Variants in MTHFSD observed in about 807,000 individuals in gnomAD.
MTHFSD encodes the protein methenyltetrahydrofolate synthetase domain containing.
MTHFSD carries 37 observed loss-of-function variants against 31.1 expected under a neutral mutation model. That is an observed-to-expected ratio of 1.19 (90% CI 0.91 to 1.56). The LOEUF (loss-of-function observed/expected upper bound fraction) is 1.56. Ranked by LOEUF, MTHFSD falls within the 40% of genes most tolerant of loss-of-function variation. MTHFSD has a pLI of 0.00. For missense variants in MTHFSD, 664 were observed against 510.1 expected (o/e 1.30, Z -2.91); for synonymous variants, 221 against 206.9 (o/e 1.07, Z -0.59).
chr16:86,537,699 T>C lies in MTHFSD; in HGVS notation c.681+3998A>G, dbSNP rs557466343. ...AGGACTGCTGCTCACAGAGGAGCCCTGTTCTCAAATCCTTTTTCTTGAGGT... is the reference window on the plus strand; with the variant it reads ...AGGACTGCTGCTCACAGAGGAGCCCCGTTCTCAAATCCTTTTTCTTGAGGT... On this transcript the variant is annotated intron_variant, in intron 7 of 7. Transcript: ENST00000360900. Among the ~76,000 whole-genome samples the C allele has an allele frequency of 1.6e-3, 242 of 152,342 alleles. 3 individuals carry two copies. The highest frequency in any genetic ancestry group is 5.7e-3 in the African/African-American group (239 of 41,578).
chr16:86,536,804 G>A (rs959985621), intron 7 of MTHFSD, among the ~76,000 whole-genome samples: 4 of 152,172 alleles, frequency 2.6e-5, no homozygotes, highest in East Asian at 1.9e-4. Context: ...CCCCTGCTCC[G>A]CACAGAGTCC....
chr16:86,537,868 T>C (rs1970929365), intron 7 of MTHFSD, among the ~76,000 whole-genome samples: 1 of 152,220 alleles, frequency 6.6e-6, no homozygotes, highest in Non-Finnish European at 1.5e-5. Flanking sequence ...AGAATCCAGT[T>C]TCCCTCATTA....
intron 7 of MTHFSD, among the ~76,000 whole-genome samples, chr16:86,539,506 C>A (rs920647027): frequency 6.6e-6 from 1 of 152,208 alleles, no homozygotes; most frequent in African/African-American, 2.4e-5. Context: ...CTAAGACAAA[C>A]GAGAGGGCTT....
rs1412490753 is a variant in MTHFSD at position 86,531,947 on chromosome 16, G to A, written c.*64C>T. The A allele has an allele frequency of 4.6e-5, 54 of 1,172,870 alleles. No homozygotes were observed. Among genetic ancestry groups the A allele is most frequent in the East Asian group, 1.5e-4 (5 of 33,534 alleles). The allele number at this position is 1,172,870 out of a possible 1,614,324, so 72.7% of individuals were successfully genotyped here. A position where few individuals can be genotyped will look rare whatever the true frequency, so the allele number is the denominator to read the frequency against. On this transcript the variant is annotated 3_prime_UTR_variant, in exon 8 of 8. Coordinates refer to ENST00000360900, the MANE Select transcript of MTHFSD (RefSeq NM_001159377.2). The surrounding 1 kb of genome is among the most constrained non-coding windows in gnomAD (Gnocchi z 5.5). ...CCACGCAGGCCTCTCGAGTGCCATC[G>A]GAACCGGAGCGGCAGGGGACGGGGA...
At chr16:86,554,065 G>A (rs1010738976) in intron 2 of MTHFSD, among the ~76,000 whole-genome samples, 1 of 152,154 alleles carries the variant, frequency 6.6e-6, no homozygotes, top group Non-Finnish European at 1.5e-5. Context: ...TGTGGGTGGG[G>A]CCAGATAAGA....
At chr16:86,534,712 G>T (rs1448264714) in intron 7 of MTHFSD, among the ~76,000 whole-genome samples, 1 of 152,310 alleles carries the variant, frequency 6.6e-6, no homozygotes, top group South Asian at 2.1e-4. Context: ...GACAGAAAAA[G>T]TGTGGCTATG....
chr16:86,534,240 G>A (rs1296293033), intron 7 of MTHFSD, among the ~76,000 whole-genome samples: 2 of 152,202 alleles, frequency 1.3e-5, no homozygotes, highest in East Asian at 1.9e-4. Flanking sequence ...CTTCTCAACT[G>A]ATTCACTGTG....
chr16:86,550,539 C>A (rs541282831), intron 3 of MTHFSD, among the ~76,000 whole-genome samples: 1 of 152,204 alleles, frequency 6.6e-6, no homozygotes, highest in Non-Finnish European at 1.5e-5. Flanking sequence ...TGTACTGAGA[C>A]TGATGTGCGG....
chr16:86,535,195 T>C, intron 7 of MTHFSD: 3 of 869,678 alleles, frequency 3.4e-6, no homozygotes, highest in Non-Finnish European at 3.9e-6. Flanking sequence ...ACTGGCACAC[T>C]GGCATCCGCA....
chr16:86,531,881 T>C lies in MTHFSD; in HGVS notation c.*130A>G, dbSNP rs541585510. The C allele has an allele frequency of 2.1e-5, 12 of 560,958 alleles. No individual in the cohort carries two copies. Among genetic ancestry groups the C allele is most frequent in the Non-Finnish European group, 3.4e-5 (12 of 349,454 alleles). The allele number at this position is 560,958 out of a possible 1,614,324, so 34.7% of individuals were successfully genotyped here. A position where few individuals can be genotyped will look rare whatever the true frequency, so the allele number is the denominator to read the frequency against. ...CTGAGCGGTGACTTCTGAGAAGAAT[T>C]GAGACCCGAGCAGCTCAGGCGGTGG... On this transcript the variant is annotated 3_prime_UTR_variant, in exon 8 of 8. Transcript: ENST00000360900. This position sits in a 1 kb window ranked among gnomAD's most constrained non-coding sequence, Gnocchi z 5.5.
At chr16:86,553,508 G>A (rs140877618) in intron 2 of MTHFSD, 4,831 of 152,596 alleles carry the variant, frequency 0.032, 108 homozygotes, top group Middle Eastern at 0.088. Flanking sequence ...GGGGAGCCCC[G>A]CACTCACAGC....
chr16:86,532,372 TC>T lies in MTHFSD; in HGVS notation c.790del (p.Glu264AsnfsTer10). 1 of 1,578,830 alleles carries T rather than the reference TC, an allele frequency of 6.3e-7. No homozygotes were observed. Among genetic ancestry groups the T allele is most frequent in the South Asian group, 1.2e-5 (1 of 85,916 alleles). ...GGGCACTGTCTGCTGGCAGCCTGGTTCCGGAAGGTGCTGGTGCTCACCCTGG... is the reference window on the plus strand; with the variant it reads ...GGGCACTGTCTGCTGGCAGCCTGGTTCGGAAGGTGCTGGTGCTCACCCTGG... ...TLQGEHQHLP[E>X]PGCQQTVPLS... On this transcript the variant is annotated frameshift_variant, in exon 8 of 8. Coordinates refer to ENST00000360900, the MANE Select transcript of MTHFSD (RefSeq NM_001159377.2). LOFTEE classifies it low-confidence loss of function (END_TRUNC).
At chr16:86,552,559 G>A (rs977990514) in intron 2 of MTHFSD, among the ~76,000 whole-genome samples, 1 of 152,204 alleles carries the variant, frequency 6.6e-6, no homozygotes, top group African/African-American at 2.4e-5. Context: ...GAAGGCTGCT[G>A]TGTAACCACC....
At position 86,540,330 on chromosome 16, in the gene MTHFSD, C is replaced by G. The variant is rs183197082; in HGVS notation, c.681+1367G>C. 7.3e-3 allele frequency among the ~76,000 whole-genome samples: 1,106 copies of G among 152,344 alleles called. 15 individuals carry two copies. The highest frequency in any genetic ancestry group is 0.042 in the South Asian group (203 of 4,828). Reference sequence around the variant, plus strand: ...GAAGCCCCCGATGCCCTCCCTCCCCCACAGTGCTGACCCTCAGGAACCCTG... The same window carrying G: ...GAAGCCCCCGATGCCCTCCCTCCCCGACAGTGCTGACCCTCAGGAACCCTG... On this transcript the variant is annotated intron_variant, in intron 7 of 7. Transcript: ENST00000360900.
intron 5 of MTHFSD, among the ~76,000 whole-genome samples, chr16:86,544,853 A>G (rs1162451245): frequency 1.3e-5 from 2 of 152,252 alleles, no homozygotes; most frequent in Non-Finnish European, 2.9e-5. Context: ...TGGTACATAT[A>G]CACTATGGAA....
At chr16:86,552,271 G>C (rs1230214723) in intron 2 of MTHFSD, 125 bp from the exon 3 acceptor site, 10 of 1,595,232 alleles carry the variant, frequency 6.3e-6, no homozygotes, top group Non-Finnish European at 3.4e-6. Flanking sequence ...CGTGGGAGTT[G>C]CTCGGCAGCA....
intron 7 of MTHFSD, chr16:86,535,454 G>A (rs1273075446): frequency 2.0e-6 from 2 of 985,412 alleles, no homozygotes; most frequent in Non-Finnish European, 2.4e-6. Flanking sequence ...GTTGGGATGA[G>A]TGCATGGCAG....
At chr16:86,541,425 T>C (rs1971496445) in intron 7 of MTHFSD, 1 of 601,646 alleles carries the variant, frequency 1.7e-6, no homozygotes, top group Admixed American at 3.2e-5. Context: ...CTTCAAGGCA[T>C]TCACCCTCCC....
At chr16:86,546,876 C>T (rs1972391408) in intron 4 of MTHFSD, among the ~76,000 whole-genome samples, 1 of 152,210 alleles carries the variant, frequency 6.6e-6, no homozygotes, top group South Asian at 2.1e-4. Flanking sequence ...GAGGAACTCA[C>T]AGCACAAATT....
Sources: gnomAD v4.1 joint callset for allele counts (sites outside exome capture counted in the v4.1 genomes callset) on GRCh38, gnomAD v4.1.1 for gene constraint, Gnocchi (gnomAD v3.1) non-coding constraint, MANE v1.5 for transcripts, NCBI Gene and HGNC (gene_info 2026-07-23, HGNC 2026-07-21) for gene names.